The following CUL1 variants were observed in gnomAD, a reference collection of about 807,000 sequenced individuals.
CUL1 encodes cullin-1.
In CUL1, 24 loss-of-function variants were observed where a neutral mutation model predicts 118.0. The ratio of observed to expected loss-of-function variants is 0.20; its 90% CI spans 0.15 to 0.29. The LOEUF is 0.29. Among genes scored for constraint, CUL1 ranks in the 10% least tolerant of loss-of-function variants. The probability of loss-of-function intolerance (pLI) is 1.00; values close to 1 mark genes in which losing one functional copy is unlikely to be tolerated. For missense variants in CUL1, 361 were observed against 933.8 expected (o/e 0.39, Z 7.99); for synonymous variants, 332 against 340.4 (o/e 0.98, Z 0.27).
chr7:148,795,021 C>A (rs562782292), intron 17 of CUL1, among the ~76,000 whole-genome samples: 17 of 151,912 alleles, frequency 1.1e-4, no homozygotes, highest in African/African-American at 4.1e-4. Context: ...TTAGTACAGA[C>A]AGGGTTTCAC....
intron 7 of CUL1, among the ~76,000 whole-genome samples, chr7:148,765,353 C>T (rs1584800084): frequency 6.6e-6 from 1 of 152,136 alleles, no homozygotes; most frequent in Non-Finnish European, 1.5e-5. Context: ...CTGGGCAAGG[C>T]ACGGTAGCTG....
At chr7:148,752,942 G>A (rs1799539066) in intron 2 of CUL1, among the ~76,000 whole-genome samples, 2 of 152,194 alleles carry the variant, frequency 1.3e-5, no homozygotes, top group South Asian at 2.1e-4. Context: ...GCGAGCCACC[G>A]CGCCCAGCCT....
In CUL1 at chr7:148,798,059, A is replaced by T. The variant is rs571615964; in HGVS notation, c.2030+40A>T. 4 of 1,239,066 alleles carry T rather than the reference A, an allele frequency of 3.2e-6. No individual in the cohort carries two copies. In the South Asian group the frequency reaches 5.0e-5, roughly 16 times the overall value. 76.8% of individuals were successfully genotyped at this position (1,239,066 alleles called of 1,614,324 possible). On this transcript the variant is annotated intron_variant, in intron 19 of 21. Coordinates refer to ENST00000325222, the MANE Select transcript of CUL1 (RefSeq NM_003592.3). ...ATAAGTAGATGGCCCTTGACCATAG[A>T]CACGTCCCCCGGGAGCCCTAGCACG...
chr7:148,737,572 T>G (rs243506), intron 2 of CUL1, among the ~76,000 whole-genome samples: 2 of 129,540 alleles, frequency 1.5e-5, no homozygotes, highest in African/African-American at 8.2e-5. Flanking sequence ...ATATATATAT[T>G]TTTATATTTA....
chr7:148,771,711 A>C (rs904207606), intron 9 of CUL1, among the ~76,000 whole-genome samples: 1 of 152,200 alleles, frequency 6.6e-6, no homozygotes, highest in Non-Finnish European at 1.5e-5. Context: ...CAAGGATGAG[A>C]TTTCAAACTG....
At chr7:148,733,236 G>T (rs185165047) in intron 2 of CUL1, among the ~76,000 whole-genome samples, 2 of 152,288 alleles carry the variant, frequency 1.3e-5, no homozygotes, top group African/African-American at 4.8e-5. Flanking sequence ...AAGTTGTGAA[G>T]AAGTATTTTG....
chr7:148,770,617 G>T (rs1368115695), intron 9 of CUL1, among the ~76,000 whole-genome samples: 2 of 152,128 alleles, frequency 1.3e-5, no homozygotes, highest in African/African-American at 4.8e-5. Context: ...TGTCTGTCTG[G>T]TGCATGGGTT....
intron 2 of CUL1, among the ~76,000 whole-genome samples, chr7:148,750,506 G>A (rs1799454058): frequency 6.6e-6 from 1 of 151,946 alleles, no homozygotes. Context: ...GTGTCCAAGT[G>A]TCTTCATTGT....
chr7:148,770,608 G>T (rs965302013), intron 9 of CUL1, among the ~76,000 whole-genome samples: 2 of 152,164 alleles, frequency 1.3e-5, no homozygotes, highest in African/African-American at 4.8e-5. Context: ...TTGGAATGCT[G>T]TCTGTCTGGT....
chr7:148,764,195 A>G (rs1220718028), intron 7 of CUL1, among the ~76,000 whole-genome samples: 2 of 152,182 alleles, frequency 1.3e-5, no homozygotes, highest in Non-Finnish European at 2.9e-5. Flanking sequence ...GATCCTAGTG[A>G]ATTAATAAAG....
At chr7:148,790,031 T>A (rs1382420129) in intron 15 of CUL1, among the ~76,000 whole-genome samples, 3 of 152,266 alleles carry the variant, frequency 2.0e-5, no homozygotes, top group Non-Finnish European at 4.4e-5. Context: ...GTCCCAGCTC[T>A]ACAGACATGT....
intron 1 of CUL1, among the ~76,000 whole-genome samples, chr7:148,710,233 T>G (rs1798006479): frequency 6.6e-6 from 1 of 152,062 alleles, no homozygotes; most frequent in African/African-American, 2.4e-5. Context: ...ACTAGAAAAT[T>G]TTGTAACTAC....
rs575764764 is a variant in CUL1 at position 148,788,932 on chromosome 7, C to T, written c.1597+258C>T. On this transcript the variant is annotated intron_variant, in intron 14 of 21. Transcript: ENST00000325222. ...TGGGATCTGGGGAGGGACTCACAGG[C>T]GTGGTTTTGTCTTGTAAACCTTAGC... is the stretch of plus-strand genomic sequence containing the variant. Among the ~76,000 whole-genome samples the T allele has an allele frequency of 5.4e-4, 82 of 152,246 alleles. 1 individual carries two copies. The highest frequency in any genetic ancestry group is 1.9e-3 in the African/African-American group (78 of 41,552).
Position 148,800,632 on chromosome 7 carries a change from G to T in CUL1, c.*50G>T. The T allele has an allele frequency of 6.9e-7, 1 of 1,447,198 alleles. No homozygotes were observed. The highest frequency in any genetic ancestry group is 9.6e-7 in the Non-Finnish European group (1 of 1,037,306). The allele number at this position is 1,447,198 out of a possible 1,614,324, so 89.6% of individuals were successfully genotyped here. A position where few individuals can be genotyped will look rare whatever the true frequency, so the allele number is the denominator to read the frequency against. ...TGACCCGCAGCAAATAGTTCATGTTGGAAAGAATGAAAACAACTCAAGTTC... is the reference window on the plus strand; with the variant it reads ...TGACCCGCAGCAAATAGTTCATGTTTGAAAGAATGAAAACAACTCAAGTTC... On this transcript the variant is annotated 3_prime_UTR_variant, in exon 22 of 22. Transcript: ENST00000325222. The surrounding 1 kb of genome is among the most constrained non-coding windows in gnomAD (Gnocchi z 4.6).
intron 9 of CUL1, among the ~76,000 whole-genome samples, chr7:148,774,576 C>T (rs753763805): frequency 6.6e-6 from 1 of 152,220 alleles, no homozygotes; most frequent in African/African-American, 2.4e-5. Context: ...AAAGACAGCT[C>T]TGTAAATGAA....
intron 8 of CUL1, 51 bp downstream of exon 8, chr7:148,766,774 T>C: frequency 6.8e-7 from 1 of 1,475,238 alleles, no homozygotes. Context: ...TCTGTAGTTT[T>C]GATATTGCTT....
At chr7:148,717,451 C>A (rs578258303) in intron 1 of CUL1, among the ~76,000 whole-genome samples, 2 of 152,164 alleles carry the variant, frequency 1.3e-5, no homozygotes, top group South Asian at 2.1e-4. Flanking sequence ...ATCCTGAATT[C>A]TTTCTTACCT....
intron 1 of CUL1, among the ~76,000 whole-genome samples, chr7:148,723,978 TTC>T (rs1798479744): frequency 6.6e-6 from 1 of 152,206 alleles, no homozygotes; most frequent in African/African-American, 2.4e-5. Flanking sequence ...CTCTGAAGTC[TTC>T]TAGCAAACAA....
rs768411925 is a variant in CUL1, at chr7:148,767,600, G to A, written c.953-19G>A. 3.1e-6 allele frequency: 5 copies of A among 1,612,080 alleles called. No individual in the cohort carries two copies. The highest frequency in any genetic ancestry group is 4.2e-6 in the Non-Finnish European group (5 of 1,179,254). On this transcript the variant is annotated intron_variant, in intron 8 of 21. Transcript: ENST00000325222. ...CAAAATTTTTTTCAGTGCATAAAAG[G>A]GGTTTCTTCCTCTTTCAGATTTGGG...
Sources: allele counts gnomAD v4.1 joint callset (sites outside exome capture counted in the v4.1 genomes callset), GRCh38; gene constraint gnomAD v4.1.1; non-coding constraint Gnocchi (gnomAD v3.1); transcripts MANE v1.5; gene names NCBI Gene and HGNC (gene_info 2026-07-23, HGNC 2026-07-21).